Variants in ZCRB1 observed in about 807,000 individuals in gnomAD.
ZCRB1 encodes the protein zinc finger CCHC-type and RNA binding motif containing 1, also known as zinc finger CCHC-type and RNA-binding motif-containing protein 1.
ZCRB1 carries 21 observed loss-of-function variants against 29.9 expected under a neutral mutation model. The ratio of observed to expected loss-of-function variants is 0.70; its 90% CI spans 0.50 to 1.01. The LOEUF is 1.01. Ranked by LOEUF, ZCRB1 falls within the 50% of genes least tolerant of loss-of-function variation. The pLI, the probability that ZCRB1 is intolerant of heterozygous loss-of-function variation, is 0.00. For missense variants in ZCRB1, 204 were observed against 253.3 expected (o/e 0.81, Z 1.32); for synonymous variants, 77 against 80.0 (o/e 0.96, Z 0.20).
chr12:42,320,583 G>A (rs1250833768), intron 3 of ZCRB1, among the ~76,000 whole-genome samples: 1 of 152,042 alleles, frequency 6.6e-6, no homozygotes, highest in African/African-American at 2.4e-5. Flanking sequence ...AAGCAGCTGG[G>A]ATTACAGGTG....
chr12:42,322,321 G>GC (rs2068625772), intron 3 of ZCRB1, 97 bp downstream of exon 3: 1 of 1,148,778 alleles, frequency 8.7e-7, no homozygotes, highest in Non-Finnish European at 1.2e-6. Context: ...ATTATATCAA[G>GC]CATGTTTTAT....
chr12:42,318,667 C>T (rs187593898), intron 3 of ZCRB1, among the ~76,000 whole-genome samples: 3 of 152,170 alleles, frequency 2.0e-5, no homozygotes, highest in African/African-American at 4.8e-5. Flanking sequence ...GGAGAAATAG[C>T]GGATTCCAAG....
rs767887403 is a variant in ZCRB1, at chr12:42,313,871, T to C, written c.446+3A>G. On this transcript the variant is annotated splice_donor_region_variant and intron_variant, in intron 6 of 7. Coordinates refer to ENST00000266529, the MANE Select transcript of ZCRB1 (RefSeq NM_033114.4). ...ATGTATTTAGTAAGAATAATATACATACATTTCTTCTTCTGGTTCAGGAGC... is the reference window on the plus strand; with the variant it reads ...ATGTATTTAGTAAGAATAATATACACACATTTCTTCTTCTGGTTCAGGAGC... 3.1e-6 allele frequency: 5 copies of C among 1,600,548 alleles called. No homozygotes were observed. The highest frequency in any genetic ancestry group is 1.1e-5 in the South Asian group (1 of 87,274).
At chr12:42,325,218 T>G (rs1215570534) in intron 1 of ZCRB1, 1 of 152,252 alleles carries the variant, frequency 6.6e-6, no homozygotes. Context: ...TGTTATGCTG[T>G]GCATGCCTGT....
chr12:42,316,297 A>C (rs931252369), intron 5 of ZCRB1, among the ~76,000 whole-genome samples: 1 of 151,748 alleles, frequency 6.6e-6, no homozygotes, highest in South Asian at 2.1e-4. Flanking sequence ...ACTCAGTTTC[A>C]CTATGTTGGT....
intron 4 of ZCRB1, 53 bp downstream of exon 4, chr12:42,317,734 G>C (rs1450310878): frequency 1.3e-6 from 2 of 1,522,872 alleles, no homozygotes; most frequent in Non-Finnish European, 1.8e-6. Context: ...TTTTGGCCTG[G>C]ATGAGCATAA....
intron 3 of ZCRB1, among the ~76,000 whole-genome samples, chr12:42,322,050 A>G (rs942024786): frequency 1.3e-5 from 2 of 152,236 alleles, no homozygotes; most frequent in Non-Finnish European, 2.9e-5. Context: ...AAAAAAAACA[A>G]AACAAAAAAC....
At chr12:42,320,211 A>G (rs932249208) in intron 3 of ZCRB1, among the ~76,000 whole-genome samples, 5 of 152,230 alleles carry the variant, frequency 3.3e-5, no homozygotes, top group African/African-American at 7.2e-5. Context: ...AATGTCATCC[A>G]TAACACCTCC....
chr12:42,317,473 A>C (rs1356045993), intron 4 of ZCRB1, 26 bp from the exon 5 acceptor site: 1 of 1,505,308 alleles, frequency 6.6e-7, no homozygotes, highest in Admixed American at 2.0e-5. Context: ...ATGTAAATGT[A>C]GAATGTATTT....
chr12:42,321,986 T>C (rs1469803224), intron 3 of ZCRB1, among the ~76,000 whole-genome samples: 1 of 152,180 alleles, frequency 6.6e-6, no homozygotes, highest in Non-Finnish European at 1.5e-5. Context: ...AAAAGACTCA[T>C]AGCATCCTGC....
At position 42,317,879 on chromosome 12, in the gene ZCRB1, T is replaced by C. The variant is rs1350205772; in HGVS notation, c.133A>G (p.Lys45Glu). ...ACCCCTTTACTCTTCCTGGTATCTT[T>C]ATCTTTCATGATGGTAACCCTTAAA... ...KVVKVTIMKDKDTRKSKGVAF... is the reference protein window; with the variant it reads ...KVVKVTIMKDEDTRKSKGVAF... Residue 45 changes from lysine to glutamate, a missense_variant, in exon 4 of 8, where the codon AAA (lysine) becomes GAA (glutamate). By Grantham distance (56) the Lys-to-Glu change is moderately conservative. Transcript: ENST00000266529. The C allele has an allele frequency of 7.4e-6, 12 of 1,613,610 alleles. No individual in the cohort carries two copies. The highest frequency in any genetic ancestry group is 1.7e-5 in the Admixed American group (1 of 59,994).
At chr12:42,317,571 G>A (rs1196310773) in intron 4 of ZCRB1, 124 bp from the exon 5 acceptor site, 10 of 881,688 alleles carry the variant, frequency 1.1e-5, no homozygotes, top group Non-Finnish European at 1.4e-5. Flanking sequence ...TGTCACTTAG[G>A]TGTGATAAAT....
At chr12:42,320,507 T>G (rs1243100801) in intron 3 of ZCRB1, among the ~76,000 whole-genome samples, 1 of 152,070 alleles carries the variant, frequency 6.6e-6, no homozygotes, top group Non-Finnish European at 1.5e-5. Context: ...GGTGTGATCT[T>G]GGTTCACTGC....
intron 2 of ZCRB1, among the ~76,000 whole-genome samples, chr12:42,323,307 C>CA (rs1315270981): frequency 6.6e-6 from 1 of 152,138 alleles, no homozygotes; most frequent in Non-Finnish European, 1.5e-5. Context: ...GAGTGAAAGC[C>CA]AGAGTCCTTA....
intron 5 of ZCRB1, among the ~76,000 whole-genome samples, chr12:42,314,719 A>G (rs2068586737): frequency 6.6e-6 from 1 of 152,190 alleles, no homozygotes; most frequent in East Asian, 1.9e-4. Context: ...GGGCAGGCTG[A>G]GGCAGGTGGG....
rs2068576102 is a variant in ZCRB1 at position 42,312,840 on chromosome 12, A to AAGTT, written c.*223_*226dup. 3.1e-6 allele frequency: 1 copy of AAGTT among 323,386 alleles called. No individual in the cohort carries two copies. The highest frequency in any genetic ancestry group is 2.1e-5 in the African/African-American group (1 of 46,750). The allele number at this position is 323,386 out of a possible 1,614,324, so 20.0% of individuals were successfully genotyped here. A position where few individuals can be genotyped will look rare whatever the true frequency, so the allele number is the denominator to read the frequency against. ...ATCATTCAACTTTTCGGTCTTCAGG[A>AAGTT]AGTTTGTTTTAAGGATTAATTTCAG... On this transcript the variant is annotated 3_prime_UTR_variant, in exon 8 of 8. Transcript: ENST00000266529.
At chr12:42,324,176 T>A in intron 1 of ZCRB1, 72 bp from the exon 2 acceptor site, 1 of 1,404,126 alleles carries the variant, frequency 7.1e-7, no homozygotes, top group Non-Finnish European at 1.0e-6. Flanking sequence ...GAGACGGAGT[T>A]TCCCTCTTGT....
intron 3 of ZCRB1, among the ~76,000 whole-genome samples, chr12:42,321,512 C>T (rs1259466531): frequency 6.6e-6 from 1 of 152,208 alleles, no homozygotes; most frequent in Admixed American, 6.5e-5. Context: ...TTAAGTATCA[C>T]ATACCATCAT....
rs557830949 is a variant in ZCRB1 at position 42,324,714 on chromosome 12, T to A, written c.-2-610A>T. 3.9e-5 allele frequency among the ~76,000 whole-genome samples: 6 copies of A among 152,330 alleles called. No homozygotes were observed. In the East Asian group the frequency reaches 1.2e-3, roughly 29 times the overall value. On this transcript the variant is annotated intron_variant, in intron 1 of 7. Coordinates refer to ENST00000266529, the MANE Select transcript of ZCRB1 (RefSeq NM_033114.4). ...TCAAGTATTCTTTATACCAACACTT[T>A]CAGTGCCAGATTGTATGGGTAGGGA...
Sources: gnomAD v4.1 joint callset for allele counts (sites outside exome capture counted in the v4.1 genomes callset) on GRCh38, gnomAD v4.1.1 for gene constraint, MANE v1.5 for transcripts, NCBI Gene and HGNC (gene_info 2026-07-23, HGNC 2026-07-21) for gene names.